MYT1L: variants seen among roughly 807,000 people sequenced by gnomAD.
The protein encoded by MYT1L is myelin transcription factor 1-like protein.
A neutral mutation model predicts 126.7 loss-of-function variants in MYT1L; 12 were observed. The ratio of observed to expected loss-of-function variants is 0.09; its 90% CI spans 0.06 to 0.15. The LOEUF (loss-of-function observed/expected upper bound fraction) is 0.15. Among genes scored for constraint, MYT1L ranks in the 10% least tolerant of loss-of-function variants. MYT1L has a pLI of 1.00. For synonymous variants in MYT1L, 541 were observed against 604.2 expected, an observed-to-expected ratio of 0.90 and a Z score of 1.53; for missense variants, 979 against 1,585.2, an observed-to-expected ratio of 0.62 and a Z score of 6.49.
chr2:2,220,200 T>A (rs11127372), intron 2 of MYT1L, among the ~76,000 whole-genome samples: 1 of 152,014 alleles, frequency 6.6e-6, no homozygotes, highest in Non-Finnish European at 1.5e-5. Context: ...CCTGAGAACA[T>A]GTGCCCAAGG....
chr2:1,897,133 A>G lies in MYT1L; in HGVS notation c.2033-4846T>C, dbSNP rs534161672. Among the ~76,000 whole-genome samples, 156 of 152,370 alleles carry G rather than the reference A, an allele frequency of 1.0e-3. 1 individual carries two copies. The highest frequency in any genetic ancestry group is 3.4e-3 in the African/African-American group (142 of 41,598). On this transcript the variant is annotated intron_variant, in intron 14 of 24. Transcript: ENST00000647738. ...CATGCATCCTTTACTGAATATAAAA[A>G]TGTCATTTAAAAGTTTTAATTAAAA...
intron 3 of MYT1L, among the ~76,000 whole-genome samples, chr2:2,143,150 C>T (rs764806356): frequency 1.5e-4 from 23 of 151,608 alleles, no homozygotes; most frequent in African/African-American, 5.1e-4. Flanking sequence ...ATTAGCCGGG[C>T]GCAGTGGCAG....
chr2:1,975,783 G>A (rs2060129931), intron 8 of MYT1L, among the ~76,000 whole-genome samples: 1 of 152,194 alleles, frequency 6.6e-6, no homozygotes, highest in Admixed American at 6.5e-5. Flanking sequence ...AGAATCACTT[G>A]AACCTGGGAG....
rs146551769 is a variant in MYT1L at position 2,135,397 on chromosome 2, G to A, written c.-304+37475C>T. On this transcript the variant is annotated intron_variant, in intron 3 of 24. Coordinates refer to ENST00000647738, the MANE Select transcript of MYT1L (RefSeq NM_001303052.2). ...CATGATTGTGAGGCCTCCCAGCCATGTGGAACTGTGAGTCCATTAAACCTC... is the reference window on the plus strand; with the variant it reads ...CATGATTGTGAGGCCTCCCAGCCATATGGAACTGTGAGTCCATTAAACCTC... 4.0e-3 allele frequency among the ~76,000 whole-genome samples: 609 copies of A among 152,304 alleles called. 4 individuals carry two copies. The highest frequency in any genetic ancestry group is 0.014 in the African/African-American group (582 of 41,566).
intron 3 of MYT1L, among the ~76,000 whole-genome samples, chr2:2,124,115 T>G (rs1354320738): frequency 1.3e-5 from 2 of 152,172 alleles, no homozygotes; most frequent in Non-Finnish European, 2.9e-5. Context: ...CAAAATGCCC[T>G]TGGAGGACTC....
At chr2:1,969,775 G>A (rs2059669083) in intron 8 of MYT1L, among the ~76,000 whole-genome samples, 1 of 152,178 alleles carries the variant, frequency 6.6e-6, no homozygotes, top group South Asian at 2.1e-4. Flanking sequence ...GTCCAGCCAG[G>A]AGTGGCCACA....
chr2:2,320,498 A>T (rs2096144037), intron 1 of MYT1L, among the ~76,000 whole-genome samples: 1 of 152,114 alleles, frequency 6.6e-6, no homozygotes, highest in Non-Finnish European at 1.5e-5. Context: ...AAAGAAAAAA[A>T]AAGCCAGCAA....
At chr2:2,078,578 A>G (rs1190665673) in intron 3 of MYT1L, among the ~76,000 whole-genome samples, 2 of 152,212 alleles carry the variant, frequency 1.3e-5, no homozygotes, top group African/African-American at 4.8e-5. Flanking sequence ...CAATGTTTCA[A>G]AATTAGGTGC....
chr2:2,059,475 G>A lies in MYT1L; in HGVS notation c.-303-5352C>T, dbSNP rs909183539. Among the ~76,000 whole-genome samples, 9 of 152,016 alleles carry A rather than the reference G, an allele frequency of 5.9e-5. No individual in the cohort carries two copies. Among genetic ancestry groups the A allele is most frequent in the Non-Finnish European group, 1.3e-4 (9 of 68,044 alleles). ...TTTGTGTTGATGAGCAGAGCCCCCT[G>A]GAACCAGGTGCATTGCCCAGTGCTG... On this transcript the variant is annotated intron_variant, in intron 3 of 24. Transcript: ENST00000647738. The surrounding 1 kb of genome is among the most constrained non-coding windows in gnomAD (Gnocchi z 4.7).
chr2:1,840,996 C>T lies in MYT1L; in HGVS notation c.2775-153G>A, dbSNP rs550206031. On this transcript the variant is annotated intron_variant, in intron 19 of 24. Coordinates refer to ENST00000647738, the MANE Select transcript of MYT1L (RefSeq NM_001303052.2). The stretch of plus-strand genomic sequence containing the variant: ...TCGGCTCACTGCAAGCTCCGCCTCC[C>T]GGGTTCACGCCATTCTCCTGCCTCA... 1.2e-3 allele frequency: 656 copies of T among 560,258 alleles called. 3 individuals are homozygous for T. Among genetic ancestry groups the T allele is most frequent in the African/African-American group, 0.011 (540 of 49,630 alleles). The allele number at this position is 560,258 out of a possible 1,614,324, so 34.7% of individuals were successfully genotyped here.
chr2:2,034,201 A>G (rs2066748368), intron 4 of MYT1L, among the ~76,000 whole-genome samples: 1 of 152,184 alleles, frequency 6.6e-6, no homozygotes, highest in Non-Finnish European at 1.5e-5. Flanking sequence ...ATTCAGGCAT[A>G]TCCTCAAAGT....
At chr2:1,973,696 T>C (rs1201864655) in intron 8 of MYT1L, among the ~76,000 whole-genome samples, 2 of 152,246 alleles carry the variant, frequency 1.3e-5, no homozygotes, top group Non-Finnish European at 2.9e-5. Flanking sequence ...TCTTTCAATG[T>C]ATCCCTGCCC....
At chr2:1,814,781 C>T (rs1019381725) in intron 21 of MYT1L, among the ~76,000 whole-genome samples, 7 of 152,088 alleles carry the variant, frequency 4.6e-5, no homozygotes, top group East Asian at 1.9e-4. Flanking sequence ...GCAGGCCTGG[C>T]GGAGAGCATT....
intron 4 of MYT1L, among the ~76,000 whole-genome samples, chr2:2,003,064 G>A (rs1243896929): frequency 6.6e-6 from 1 of 152,118 alleles, no homozygotes; most frequent in African/African-American, 2.4e-5. Context: ...CTTGGGAATT[G>A]CTGAGAACCA....
chr2:1,902,412 C>G (rs1244469629), intron 14 of MYT1L, among the ~76,000 whole-genome samples: 2 of 152,210 alleles, frequency 1.3e-5, no homozygotes, highest in Non-Finnish European at 2.9e-5. Flanking sequence ...TTGTTTTGCC[C>G]CATCGTCCCC....
intron 2 of MYT1L, among the ~76,000 whole-genome samples, chr2:2,257,291 TG>T (rs1408703973): frequency 6.6e-6 from 1 of 152,204 alleles, no homozygotes; most frequent in African/African-American, 2.4e-5. Flanking sequence ...ACTTTGAACT[TG>T]GGGCTCATAT....
At chr2:1,858,658 C>G (rs896402569) in intron 18 of MYT1L, among the ~76,000 whole-genome samples, 3 of 152,156 alleles carry the variant, frequency 2.0e-5, no homozygotes, top group African/African-American at 7.2e-5. Flanking sequence ...TCACTTCTGG[C>G]CAATTTCTTA....
chr2:2,000,251 G>A (rs1032162208), intron 4 of MYT1L, among the ~76,000 whole-genome samples: 2 of 151,852 alleles, frequency 1.3e-5, no homozygotes, highest in East Asian at 1.9e-4. Flanking sequence ...GAGCCTCTGC[G>A]GCCACAACCT....
intron 9 of MYT1L, among the ~76,000 whole-genome samples, chr2:1,925,859 C>T (rs866533031): frequency 6.6e-6 from 1 of 152,168 alleles, no homozygotes; most frequent in African/African-American, 2.4e-5. Flanking sequence ...ACTTAATTAG[C>T]TCAGTGGGGA....
Sources: allele counts gnomAD v4.1 joint callset (sites outside exome capture counted in the v4.1 genomes callset), GRCh38; gene constraint gnomAD v4.1.1; non-coding constraint Gnocchi (gnomAD v3.1); transcripts MANE v1.5; gene names NCBI Gene and HGNC (gene_info 2026-07-23, HGNC 2026-07-21).